The following FAM107B variants were observed in gnomAD, a reference collection of about 807,000 sequenced individuals.
FAM107B encodes the protein family with sequence similarity 107 member B.
A neutral mutation model predicts 31.5 loss-of-function variants in FAM107B; 21 were observed. The ratio of observed to expected loss-of-function variants is 0.67; its 90% CI spans 0.47 to 0.96. FAM107B has a LOEUF of 0.96. Ranked by LOEUF, FAM107B falls within the 40% of genes least tolerant of loss-of-function variation. The pLI, the probability that FAM107B is intolerant of heterozygous loss-of-function variation, is 0.00. For synonymous variants in FAM107B, 157 were observed against 141.5 expected (o/e 1.11, Z -0.78); for missense variants, 452 against 377.1 (o/e 1.20, Z -1.64).
chr10:14,648,758 C>A (rs1853828616), intron 2 of FAM107B, among the ~76,000 whole-genome samples: 1 of 152,216 alleles, frequency 6.6e-6, no homozygotes, highest in Non-Finnish European at 1.5e-5. Flanking sequence ...TCAGAACCCA[C>A]GTCATCTAGC....
At chr10:14,686,562 C>T (rs1219826024) in intron 1 of FAM107B, among the ~76,000 whole-genome samples, 1 of 152,144 alleles carries the variant, frequency 6.6e-6, no homozygotes, top group Non-Finnish European at 1.5e-5. Context: ...TCAACAATGC[C>T]TCTGGTTTCC....
intron 2 of FAM107B, among the ~76,000 whole-genome samples, chr10:14,561,654 A>C (rs1051885997): frequency 6.6e-6 from 1 of 151,980 alleles, no homozygotes; most frequent in Non-Finnish European, 1.5e-5. Flanking sequence ...TGATAATAAC[A>C]CTCCTCATTC....
chr10:14,594,969 A>G (rs1852138811), intron 2 of FAM107B, among the ~76,000 whole-genome samples: 1 of 152,178 alleles, frequency 6.6e-6, no homozygotes. Flanking sequence ...TTAGGCAACA[A>G]TGGATGGACT....
At chr10:14,545,317 CCT>C (rs1848592816) in intron 2 of FAM107B, among the ~76,000 whole-genome samples, 1 of 152,108 alleles carries the variant, frequency 6.6e-6, no homozygotes, top group Non-Finnish European at 1.5e-5. Context: ...GATGCATCCC[CCT>C]GTTGTCTGAT....
intron 2 of FAM107B, among the ~76,000 whole-genome samples, chr10:14,551,216 C>T (rs556603600): frequency 2.6e-5 from 4 of 152,226 alleles, no homozygotes; most frequent in Admixed American, 2.6e-4. Flanking sequence ...AGATGAAGTT[C>T]GGCTCACTGC....
Position 14,709,229 on chromosome 10 carries a change from A to G in FAM107B, c.412-41538T>C, listed in dbSNP as rs539138539. ...AATGACTGGAAACGTATGTCCACAC[A>G]AAGAAAACTGCACAGGTATGTTTAT... On this transcript the variant is annotated intron_variant, in intron 1 of 4. Transcript: ENST00000181796. Among the ~76,000 whole-genome samples the G allele has an allele frequency of 5.3e-5, 8 of 152,344 alleles. No individual in the cohort carries two copies. In the South Asian group the frequency reaches 1.7e-3, roughly 32 times the overall value.
chr10:14,606,134 G>C (rs1211164231), intron 2 of FAM107B, among the ~76,000 whole-genome samples: 1 of 152,048 alleles, frequency 6.6e-6, no homozygotes, highest in Non-Finnish European at 1.5e-5. Context: ...AACATCCAAG[G>C]CTCCACTCAG....
At chr10:14,648,773 T>C (rs1853829018) in intron 2 of FAM107B, among the ~76,000 whole-genome samples, 3 of 152,246 alleles carry the variant, frequency 2.0e-5, no homozygotes, top group Non-Finnish European at 4.4e-5. Flanking sequence ...TCTAGCCCAG[T>C]ACTTTCCACA....
intron 1 of FAM107B, among the ~76,000 whole-genome samples, chr10:14,732,261 G>T (rs1473165192): frequency 1.2e-4 from 19 of 152,198 alleles, no homozygotes; most frequent in Non-Finnish European, 4.4e-5. Flanking sequence ...AAGCCCGCAA[G>T]CAAGCGTGAG....
At chr10:14,611,484 T>TTATATATA (rs3035276) in intron 2 of FAM107B, among the ~76,000 whole-genome samples, 103 of 124,648 alleles carry the variant, frequency 8.3e-4, no homozygotes, top group East Asian at 1.4e-3. Flanking sequence ...AATGCCAGTT[T>TTATATATA]TATATATATA....
intron 2 of FAM107B, among the ~76,000 whole-genome samples, chr10:14,533,644 C>T (rs1482550620): frequency 6.6e-6 from 1 of 152,230 alleles, no homozygotes. Context: ...TCCCCCTCAA[C>T]TAGAGACAGC....
intron 2 of FAM107B, among the ~76,000 whole-genome samples, chr10:14,647,378 C>A (rs1389270344): frequency 6.6e-6 from 1 of 152,042 alleles, no homozygotes; most frequent in Non-Finnish European, 1.5e-5. Context: ...TAACCATCTC[C>A]TATAAAATTG....
At chr10:14,648,577 C>T (rs1428198028) in intron 2 of FAM107B, among the ~76,000 whole-genome samples, 2 of 152,140 alleles carry the variant, frequency 1.3e-5, no homozygotes, top group Non-Finnish European at 2.9e-5. Flanking sequence ...CCAATGATAC[C>T]AGGAGAAAAC....
intron 2 of FAM107B, among the ~76,000 whole-genome samples, chr10:14,637,197 C>A (rs1415779824): frequency 6.6e-6 from 1 of 152,132 alleles, no homozygotes; most frequent in Non-Finnish European, 1.5e-5. Flanking sequence ...ATTTCTAACA[C>A]CATGCCCCTC....
At chr10:14,560,967 T>C (rs1367721838) in intron 2 of FAM107B, among the ~76,000 whole-genome samples, 1 of 151,966 alleles carries the variant, frequency 6.6e-6, no homozygotes, top group East Asian at 1.9e-4. Flanking sequence ...GGCCATCCCG[T>C]CATAATTTTG....
At chr10:14,737,048 A>T (rs1280831778) in intron 1 of FAM107B, among the ~76,000 whole-genome samples, 1 of 152,150 alleles carries the variant, frequency 6.6e-6, no homozygotes, top group African/African-American at 2.4e-5. Context: ...ACAGACAAGG[A>T]AAAGGGAAGG....
chr10:14,583,236 C>A (rs1196712592), intron 2 of FAM107B, among the ~76,000 whole-genome samples: 3 of 152,164 alleles, frequency 2.0e-5, no homozygotes. Flanking sequence ...GAGGAAAATT[C>A]TTCATCTGGC....
chr10:14,768,449 T>C (rs755437115), intron 1 of FAM107B, among the ~76,000 whole-genome samples: 10 of 152,164 alleles, frequency 6.6e-5, no homozygotes, highest in Non-Finnish European at 1.3e-4. Flanking sequence ...CAGACATATA[T>C]ACCAATGGAA....
intron 2 of FAM107B, among the ~76,000 whole-genome samples, chr10:14,610,040 G>A (rs1462816806): frequency 1.3e-5 from 2 of 152,184 alleles, no homozygotes; most frequent in African/African-American, 2.4e-5. Context: ...AAAGGAAAAC[G>A]AAGTTAAGAA....
Sources: gnomAD v4.1 joint callset for allele counts (sites outside exome capture counted in the v4.1 genomes callset) on GRCh38, gnomAD v4.1.1 for gene constraint, MANE v1.5 for transcripts, NCBI Gene and HGNC (gene_info 2026-07-23, HGNC 2026-07-21) for gene names.